VARS1: variants seen among roughly 807,000 people sequenced by gnomAD.
VARS1 encodes valyl-tRNA synthetase 1.
A neutral mutation model predicts 161.0 loss-of-function variants in VARS1; 92 were observed. The ratio of observed to expected loss-of-function variants is 0.57; its 90% CI spans 0.48 to 0.68. The LOEUF is 0.68. Among genes scored for constraint, VARS1 ranks in the 30% least tolerant of loss-of-function variants. The probability of loss-of-function intolerance (pLI) is 0.00; values close to 1 mark genes in which losing one functional copy is unlikely to be tolerated. For synonymous variants in VARS1, 595 were observed against 682.5 expected (o/e 0.87, Z 2.00); for missense variants, 1,338 against 1,695.9 (o/e 0.79, Z 3.71).
chr6:31,791,862 C>A lies in VARS1; in HGVS notation c.972+9G>T. The A allele has an allele frequency of 6.2e-7, 1 of 1,610,606 alleles. No individual in the cohort carries two copies. Among genetic ancestry groups the A allele is most frequent in the African/African-American group, 1.3e-5 (1 of 75,020 alleles). ...CCCACTCTGGGCCTGGGCAGCAGTG[C>A]CTACTCACCCCATACTCTGGCTTGA... On this transcript the variant is annotated intron_variant, in intron 7 of 29. Transcript: ENST00000375663. The surrounding 1 kb of genome is among the most constrained non-coding windows in gnomAD (Gnocchi z 5.0).
intron 4 of VARS1, 106 bp from the exon 5 acceptor site, chr6:31,792,622 C>A: frequency 6.3e-7 from 1 of 1,594,062 alleles, no homozygotes. Context: ...CTTGCCCATG[C>A]TGACCTCCCC....
chr6:31,790,462 C>T (rs1440479446), intron 8 of VARS1, among the ~76,000 whole-genome samples: 2 of 151,654 alleles, frequency 1.3e-5, no homozygotes, highest in East Asian at 1.9e-4. Flanking sequence ...ATTAGCCAGG[C>T]GCGGTGGCAG....
Position 31,781,122 on chromosome 6 carries a change from AC to A in VARS1, c.2545del (p.Val849SerfsTer15). 1.2e-6 allele frequency: 2 copies of A among 1,612,902 alleles called. No individual in the cohort carries two copies. Among genetic ancestry groups the A allele is most frequent in the Non-Finnish European group, 1.7e-6 (2 of 1,180,012 alleles). ...KLTGRLPFRE[V>X]YLHAIVRDAH... ...ATCTCGCACGATGGCATGGAGGTAG[AC>A]CTGCAGAGCAGGTGGGGAGGCCCAT... On this transcript the variant is annotated frameshift_variant and splice_region_variant, in exon 22 of 30. Coordinates refer to ENST00000375663, the MANE Select transcript of VARS1 (RefSeq NM_006295.3). LOFTEE classifies it high-confidence loss of function. This position sits in a 1 kb window ranked among gnomAD's most constrained non-coding sequence, Gnocchi z 6.8.
In VARS1 at chr6:31,791,988, G is replaced by A; in HGVS notation, c.872-17C>T. 2 of 1,564,644 alleles carry A rather than the reference G, an allele frequency of 1.3e-6. No individual in the cohort carries two copies. Among genetic ancestry groups the A allele is most frequent in the Non-Finnish European group, 1.7e-6 (2 of 1,155,366 alleles). On this transcript the variant is annotated splice_polypyrimidine_tract_variant and intron_variant, in intron 6 of 29. Transcript: ENST00000375663. The surrounding 1 kb of genome is among the most constrained non-coding windows in gnomAD (Gnocchi z 5.0). ...CACTGACATCTGGGGGAGAGGAAGG[G>A]AGGGCTCAGTGCCGTGGCTGGGAGC... is the stretch of plus-strand genomic sequence containing the variant.
chr6:31,782,423 T>A lies in VARS1; in HGVS notation c.2012A>T (p.Glu671Val). ...PLCNRSKDVV[E>V]PLLRPQWYVR... ...GTACCACTGCGGCCGCAGCAGAGGC[T>A]CTACCACGTCCTTCGACCGGCTGGG... The change falls in exon 17 of 30, where the codon GAG becomes GTG. Residue 671 changes from glutamate to valine, a missense_variant. Physicochemically the swap from Glu to Val is moderately radical, Grantham distance 121. This residue lies in a region of VARS1 where 902 missense variants were observed against 1,090.3 expected (regional missense o/e 0.83). Transcript: ENST00000375663. This position sits in a 1 kb window ranked among gnomAD's most constrained non-coding sequence, Gnocchi z 8.3. 1.2e-6 allele frequency: 2 copies of A among 1,612,350 alleles called. No individual in the cohort carries two copies. Among genetic ancestry groups the A allele is most frequent in the Non-Finnish European group, 1.7e-6 (2 of 1,179,670 alleles).
rs140386700 is a variant in VARS1, at chr6:31,784,461, C to A, written c.1509G>T (p.Val503=). The change falls in exon 12 of 30, where the codon GTG becomes GTT. Residue 503 remains valine, a synonymous_variant. Coordinates refer to ENST00000375663, the MANE Select transcript of VARS1 (RefSeq NM_006295.3). This position sits in a 1 kb window ranked among gnomAD's most constrained non-coding sequence, Gnocchi z 6.1. ...KELTGRTLLS[V]PGYKEKVEFG... Reference sequence around the variant, plus strand: ...ACTCCACCTTCTCCTTGTAGCCAGGCACGGAGAGCAGGGTGCGACCTGTCA... The same window carrying A: ...ACTCCACCTTCTCCTTGTAGCCAGGAACGGAGAGCAGGGTGCGACCTGTCA... The A allele has an allele frequency of 6.2e-7, 1 of 1,614,006 alleles. No individual in the cohort carries two copies. Among genetic ancestry groups the A allele is most frequent in the African/African-American group, 1.3e-5 (1 of 74,930 alleles).
At chr6:31,790,793 C>G (rs1456933239) in intron 8 of VARS1, among the ~76,000 whole-genome samples, 1 of 151,636 alleles carries the variant, frequency 6.6e-6, no homozygotes, top group African/African-American at 2.4e-5. Context: ...TAATATGAAC[C>G]CTTTATGTTA....
In VARS1 at chr6:31,778,821, G is replaced by A; in HGVS notation, c.3726+146C>T. 8.8e-7 allele frequency: 1 copy of A among 1,137,420 alleles called. No individual in the cohort carries two copies. 70.5% of individuals were successfully genotyped at this position (1,137,420 alleles called of 1,614,324 possible). A position where few individuals can be genotyped will look rare whatever the true frequency, so the allele number is the denominator to read the frequency against. ...TGAGCCAGGCTGTTTTGTTTTTTAA[G>A]GCTAGTGGGAGTGGAGAAGGAACAA... is the stretch of plus-strand genomic sequence containing the variant. On this transcript the variant is annotated intron_variant, in intron 29 of 29. Transcript: ENST00000375663. This position sits in a 1 kb window ranked among gnomAD's most constrained non-coding sequence, Gnocchi z 5.1.
chr6:31,785,444 C>A lies in VARS1; in HGVS notation c.1266-117G>T. On this transcript the variant is annotated intron_variant, in intron 9 of 29. Transcript: ENST00000375663. This position sits in a 1 kb window ranked among gnomAD's most constrained non-coding sequence, Gnocchi z 6.1. ...CCTGAAATTTACCTGGGCCCTAGAG[C>A]CAACTGACTCTGCCTCTGTGGGAGG... 6.5e-7 allele frequency: 1 copy of A among 1,528,708 alleles called. No homozygotes were observed. 94.7% of individuals were successfully genotyped at this position (1,528,708 alleles called of 1,614,324 possible).
At position 31,781,832 on chromosome 6, in the gene VARS1, A is replaced by C. The variant is rs753296702; in HGVS notation, c.2347+15T>G. The stretch of plus-strand genomic sequence containing the variant: ...CCCCCACAACTCCCTCCAGACCCTC[A>C]AAGCCCCGCCTTGCCTTGCTGGAGA... On this transcript the variant is annotated intron_variant, in intron 19 of 29. Transcript: ENST00000375663. The surrounding 1 kb of genome is among the most constrained non-coding windows in gnomAD (Gnocchi z 6.8). 6.2e-7 allele frequency: 1 copy of C among 1,613,058 alleles called. No individual in the cohort carries two copies. Among genetic ancestry groups the C allele is most frequent in the Admixed American group, 1.7e-5 (1 of 60,026 alleles).
Position 31,780,789 on chromosome 6 carries a change from G to C in VARS1, c.2719-6C>G. ...CCCGCTGGGAAGTCAGCTTTCTACAGGGAAGAGGCAGGGGGAGGAGCGTCC... is the reference window on the plus strand; with the variant it reads ...CCCGCTGGGAAGTCAGCTTTCTACACGGAAGAGGCAGGGGGAGGAGCGTCC... On this transcript the variant is annotated splice_region_variant and splice_polypyrimidine_tract_variant and intron_variant, in intron 23 of 29. Transcript: ENST00000375663. The surrounding 1 kb of genome is among the most constrained non-coding windows in gnomAD (Gnocchi z 5.1). 6.2e-7 allele frequency: 1 copy of C among 1,614,194 alleles called. No homozygotes were observed. The highest frequency in any genetic ancestry group is 1.1e-5 in the South Asian group (1 of 91,086).
chr6:31,783,021 T>G (rs1813259860), intron 14 of VARS1, 75 bp downstream of exon 14: 2 of 1,569,228 alleles, frequency 1.3e-6, no homozygotes, highest in Non-Finnish European at 1.7e-6. Context: ...ATTTTCTTTT[T>G]CTCTGAGAGA....
chr6:31,785,190 T>C lies in VARS1; in HGVS notation c.1347+56A>G. ...ACACCTCTGCTTTCTCCTGTGGGGG[T>C]CCCACCCTGGGGAGACTCCTACTCC... On this transcript the variant is annotated intron_variant, in intron 10 of 29. Transcript: ENST00000375663. The surrounding 1 kb of genome is among the most constrained non-coding windows in gnomAD (Gnocchi z 6.1). 1 of 1,605,014 alleles carries C rather than the reference T, an allele frequency of 6.2e-7. No homozygotes were observed. The highest frequency in any genetic ancestry group is 8.5e-7 in the Non-Finnish European group (1 of 1,173,108).
chr6:31,795,319 A>G lies in VARS1; in HGVS notation c.-33-69T>C. The G allele has an allele frequency of 1.7e-6, 2 of 1,151,448 alleles. No homozygotes were observed. The allele number at this position is 1,151,448 out of a possible 1,614,324, so 71.3% of individuals were successfully genotyped here. A position where few individuals can be genotyped will look rare whatever the true frequency, so the allele number is the denominator to read the frequency against. On this transcript the variant is annotated intron_variant, in intron 1 of 29. Transcript: ENST00000375663. This position sits in a 1 kb window ranked among gnomAD's most constrained non-coding sequence, Gnocchi z 6.9. ...GGTCCTATGTTTGAGTAGAGAGGGG[A>G]CCCTCACGGGAGCTCCTTCGCCGCA... is the stretch of plus-strand genomic sequence containing the variant.
Position 31,785,191 on chromosome 6 carries a change from C to T in VARS1, c.1347+55G>A. ...CACCTCTGCTTTCTCCTGTGGGGGTCCCACCCTGGGGAGACTCCTACTCCT... is the reference window on the plus strand; with the variant it reads ...CACCTCTGCTTTCTCCTGTGGGGGTTCCACCCTGGGGAGACTCCTACTCCT... On this transcript the variant is annotated intron_variant, in intron 10 of 29. Coordinates refer to ENST00000375663, the MANE Select transcript of VARS1 (RefSeq NM_006295.3). This position sits in a 1 kb window ranked among gnomAD's most constrained non-coding sequence, Gnocchi z 6.1. The T allele has an allele frequency of 1.9e-6, 3 of 1,606,522 alleles. No individual in the cohort carries two copies. In the South Asian group the frequency reaches 3.3e-5, roughly 18 times the overall value.
rs1178721143 is a variant in VARS1 at position 31,778,379 on chromosome 6, C to T, written c.3726+588G>A. On this transcript the variant is annotated intron_variant, in intron 29 of 29. Transcript: ENST00000375663. The surrounding 1 kb of genome is among the most constrained non-coding windows in gnomAD (Gnocchi z 5.1). ...GTGACCCTGGGTTGTGCCCAGCCCC[C>T]AGCTGCTCCCCATGTGTAAGGGGAG... Among the ~76,000 whole-genome samples, 1 of 152,232 alleles carries T rather than the reference C, an allele frequency of 6.6e-6. No individual in the cohort carries two copies. The highest frequency in any genetic ancestry group is 2.4e-5 in the African/African-American group (1 of 41,464).
In VARS1 at chr6:31,795,267, A is replaced by T; in HGVS notation, c.-33-17T>A. 7.3e-7 allele frequency: 1 copy of T among 1,364,126 alleles called. No individual in the cohort carries two copies. Among genetic ancestry groups the T allele is most frequent in the Non-Finnish European group, 9.5e-7 (1 of 1,055,026 alleles). 84.5% of individuals were successfully genotyped at this position (1,364,126 alleles called of 1,614,324 possible). A position where few individuals can be genotyped will look rare whatever the true frequency, so the allele number is the denominator to read the frequency against. On this transcript the variant is annotated splice_polypyrimidine_tract_variant and intron_variant, in intron 1 of 29. Transcript: ENST00000375663. This position sits in a 1 kb window ranked among gnomAD's most constrained non-coding sequence, Gnocchi z 6.9. ...TGGAAAAACCTAAGGAGAAAGAGAGACAGGGGAAGACTGCGGGATCGAGGT... is the reference window on the plus strand; with the variant it reads ...TGGAAAAACCTAAGGAGAAAGAGAGTCAGGGGAAGACTGCGGGATCGAGGT...
At position 31,780,141 on chromosome 6, in the gene VARS1, C is replaced by T; in HGVS notation, c.2938G>A (p.Glu980Lys). Residue 980 changes from glutamate to lysine, a missense_variant, in exon 26 of 30, where the codon GAG (glutamate) becomes AAG (lysine). Physicochemically the swap from Glu to Lys is moderately conservative, Grantham distance 56. Transcript: ENST00000375663. The surrounding 1 kb of genome is among the most constrained non-coding windows in gnomAD (Gnocchi z 5.1). ...CGGATCCAGCGGTCCACCAGGCTCT[C>T]ATGGCCTCCGGGCTTGGGGAGAGAG... ...PSPTSQPGGH[E>K]SLVDRWIRSR... 2 of 1,613,770 alleles carry T rather than the reference C, an allele frequency of 1.2e-6. No homozygotes were observed. The highest frequency in any genetic ancestry group is 1.7e-6 in the Non-Finnish European group (2 of 1,179,940).
In VARS1 at chr6:31,781,881, G is replaced by C. The variant is rs145442830; in HGVS notation, c.2313C>G (p.Phe771Leu). The change falls in exon 19 of 30, where the codon TTC (phenylalanine) becomes TTG (leucine). Residue 771 changes from phenylalanine to leucine, a missense_variant. Physicochemically the swap from Phe to Leu is conservative, Grantham distance 22. Transcript: ENST00000375663. This position sits in a 1 kb window ranked among gnomAD's most constrained non-coding sequence, Gnocchi z 6.8. ...AEAREKAAKE[F>L]GVSPDKISLQ... ...GACTGATCTTGTCAGGGGACACTCC[G>C]AACTCCTTGGCTGCCTTCTCCCGGG... 6.2e-7 allele frequency: 1 copy of C among 1,612,930 alleles called. No individual in the cohort carries two copies. Among genetic ancestry groups the C allele is most frequent in the Non-Finnish European group, 8.5e-7 (1 of 1,180,018 alleles).
Sources: allele counts gnomAD v4.1 joint callset (sites outside exome capture counted in the v4.1 genomes callset), GRCh38; gene constraint gnomAD v4.1.1; regional missense constraint gnomAD v4.1.1; non-coding constraint Gnocchi (gnomAD v3.1); transcripts MANE v1.5; gene names NCBI Gene and HGNC (gene_info 2026-07-23, HGNC 2026-07-21).